The following STS variants were observed in gnomAD, a reference collection of about 807,000 sequenced individuals.
STS encodes the protein steroid sulfatase.
In STS, 7 loss-of-function variants were observed where a neutral mutation model predicts 26.8. That is an observed-to-expected ratio of 0.26 (90% CI 0.15 to 0.49). The LOEUF is 0.49. Among genes scored for constraint, STS ranks in the 20% least tolerant of loss-of-function variants. The probability of loss-of-function intolerance (pLI) is 0.98; values close to 1 mark genes in which losing one functional copy is unlikely to be tolerated. For synonymous variants in STS, 199 were observed against 189.4 expected (o/e 1.05, Z -0.42); for missense variants, 434 against 465.6 (o/e 0.93, Z 0.63).
At chrX:7,236,434 T>A (rs1482311873) in intron 2 of STS, among the ~76,000 whole-genome samples, 1 of 112,473 alleles carries the variant, frequency 8.9e-6, no homozygotes, top group Non-Finnish European at 1.9e-5. Context: ...GTAGCTATTT[T>A]CATTAAACCA....
chrX:7,169,023 T>C (rs1434644296), intron 1 of STS, among the ~76,000 whole-genome samples: 1 of 111,726 alleles, frequency 9.0e-6, no homozygotes, highest in Non-Finnish European at 1.9e-5. Flanking sequence ...TTGTAAAATA[T>C]ACAATTCTGA....
chrX:7,285,032 ATGG>A (rs1196396583), intron 7 of STS, among the ~76,000 whole-genome samples: 2 of 110,827 alleles, frequency 1.8e-5, no homozygotes, highest in Non-Finnish European at 3.8e-5. Context: ...GATGCTGATG[ATGG>A]TGGTAATTAT....
rs1398475524 is a variant in STS, at chrX:7,333,846, G to A, written c.1242-140G>A. 3.8e-6 allele frequency: 3 copies of A among 789,918 alleles called. No individual in the cohort carries two copies. The African/African-American group carries it at 6.1e-5, about 16-fold the overall frequency. 65.1% of individuals were successfully genotyped at this position (789,918 alleles called of 1,213,427 possible). On this transcript the variant is annotated intron_variant, in intron 9 of 10. Coordinates refer to ENST00000674429, the MANE Select transcript of STS (RefSeq NM_001320752.2). ...GCACGGACAGAGCTGGGATCAGTGT[G>A]TTGCACAGGGCACCCAGGTGGGGTC... is the stretch of plus-strand genomic sequence containing the variant.
chrX:7,302,162 T>C (rs1925994443), intron 7 of STS, among the ~76,000 whole-genome samples: 1 of 111,802 alleles, frequency 8.9e-6, no homozygotes, highest in Non-Finnish European at 1.9e-5. Flanking sequence ...TATGGTCATA[T>C]GCCCTTTACT....
chrX:7,165,998 CT>C (rs1456652913), intron 1 of STS, among the ~76,000 whole-genome samples: 2 of 107,307 alleles, frequency 1.9e-5, no homozygotes, highest in Non-Finnish European at 3.8e-5. Context: ...CTCTCTGTCG[CT>C]GTCTTTTTTT....
At chrX:7,274,611 G>A (rs1601705215) in intron 6 of STS, among the ~76,000 whole-genome samples, 1 of 111,853 alleles carries the variant, frequency 8.9e-6, no homozygotes, top group East Asian at 2.8e-4. Flanking sequence ...TCATACCTTC[G>A]TATAGCAACA....
chrX:7,195,397 T>C (rs1018226159), intron 2 of STS, among the ~76,000 whole-genome samples: 13 of 112,259 alleles, frequency 1.2e-4, no homozygotes, highest in African/African-American at 4.2e-4. Flanking sequence ...CTCTGCATGG[T>C]TTGCAGAATC....
intron 7 of STS, among the ~76,000 whole-genome samples, chrX:7,297,364 T>C (rs1332772879): frequency 9.1e-6 from 1 of 110,267 alleles, no homozygotes; most frequent in Non-Finnish European, 1.9e-5. Context: ...TCAAGAAACA[T>C]TGGTATATAA....
At chrX:7,250,028 A>G (rs1923062040) in intron 2 of STS, among the ~76,000 whole-genome samples, 1 of 111,055 alleles carries the variant, frequency 9.0e-6, no homozygotes, top group Admixed American at 9.7e-5. Context: ...CCTGGGCTCA[A>G]GCAATTCTCC....
chrX:7,324,739 A>T (rs1287950141), intron 8 of STS, among the ~76,000 whole-genome samples: 1 of 111,269 alleles, frequency 9.0e-6, no homozygotes, highest in Non-Finnish European at 1.9e-5. Flanking sequence ...TTCAGGTTAA[A>T]CCTTTAGAAT....
intron 2 of STS, among the ~76,000 whole-genome samples, chrX:7,244,257 G>A (rs1922759141): frequency 8.9e-6 from 1 of 112,212 alleles, no homozygotes; most frequent in Non-Finnish European, 1.9e-5. Context: ...GGCATGAGAA[G>A]AAGGAATGCT....
chrX:7,167,041 T>C (rs1449048868), intron 1 of STS, among the ~76,000 whole-genome samples: 2 of 111,094 alleles, frequency 1.8e-5, no homozygotes, highest in African/African-American at 6.6e-5. Context: ...CAAATACCCA[T>C]TGAGGATCTT....
intron 2 of STS, among the ~76,000 whole-genome samples, chrX:7,209,847 C>T (rs1195183835): frequency 1.8e-5 from 2 of 110,391 alleles, no homozygotes; most frequent in African/African-American, 6.6e-5. Context: ...CAATGTTCAA[C>T]TCCCACTTAT....
chrX:7,322,525 C>T (rs1337088061), intron 8 of STS, among the ~76,000 whole-genome samples: 11 of 111,716 alleles, frequency 9.8e-5, no homozygotes, highest in Non-Finnish European at 2.1e-4. Flanking sequence ...CTCATCCTCC[C>T]AAGTAGCTGG....
intron 8 of STS, among the ~76,000 whole-genome samples, chrX:7,319,860 C>T (rs1031577703): frequency 9.6e-5 from 10 of 103,881 alleles, no homozygotes; most frequent in African/African-American, 1.4e-4. Context: ...GTAACTCTAC[C>T]GCTTACTAAA....
chrX:7,185,885 T>G (rs910708932), intron 1 of STS, among the ~76,000 whole-genome samples: 1 of 112,587 alleles, frequency 8.9e-6, no homozygotes, highest in Non-Finnish European at 1.9e-5. Context: ...CTGACAACTT[T>G]ACTTTGTGTT....
At chrX:7,208,215 C>G (rs1920964256) in intron 2 of STS, among the ~76,000 whole-genome samples, 1 of 112,018 alleles carries the variant, frequency 8.9e-6, no homozygotes, top group Admixed American at 9.5e-5. Flanking sequence ...TTCTTCAACC[C>G]TTTATACTTT....
chrX:7,268,294 T>C (rs1470777266), intron 6 of STS, among the ~76,000 whole-genome samples: 2 of 112,168 alleles, frequency 1.8e-5, no homozygotes, highest in South Asian at 3.7e-4. Context: ...GAAGAAGATA[T>C]GACCTTTTGT....
chrX:7,287,757 A>G (rs1440379439), intron 7 of STS, among the ~76,000 whole-genome samples: 3 of 110,040 alleles, frequency 2.7e-5, no homozygotes, highest in African/African-American at 9.9e-5. Context: ...AACTGGTGGG[A>G]ATAATTTTGA....
Sources: gnomAD v4.1 joint callset for allele counts (sites outside exome capture counted in the v4.1 genomes callset) on GRCh38, gnomAD v4.1.1 for gene constraint, MANE v1.5 for transcripts, NCBI Gene and HGNC (gene_info 2026-07-23, HGNC 2026-07-21) for gene names.